Variants in SUGP2 observed in about 807,000 individuals in gnomAD.
The protein encoded by SUGP2 is SURP and G-patch domain containing 2.
A neutral mutation model predicts 90.5 loss-of-function variants in SUGP2; 24 were observed. The ratio of observed to expected loss-of-function variants is 0.27; its 90% confidence interval spans 0.19 to 0.37. The LOEUF is 0.37. SUGP2 is among the 10% of genes least tolerant of loss of function. The pLI, the probability that SUGP2 is intolerant of heterozygous loss-of-function variation, is 1.00. For synonymous variants in SUGP2, 473 were observed against 513.4 expected (o/e 0.92, Z 1.06); for missense variants, 1,233 against 1,363.3 (o/e 0.90, Z 1.51).
chr19:19,000,892 G>C (rs2057803236), intron 8 of SUGP2, among the ~76,000 whole-genome samples: 1 of 150,084 alleles, frequency 6.7e-6, no homozygotes, highest in African/African-American at 2.5e-5. Context: ...TTTTTGCAGA[G>C]ACAGGGTTTT....
At chr19:18,998,473 A>G (rs928932878) in intron 8 of SUGP2, among the ~76,000 whole-genome samples, 3 of 152,022 alleles carry the variant, frequency 2.0e-5, no homozygotes, top group Non-Finnish European at 2.9e-5. Context: ...TAATCTTCTT[A>G]TTGTCAGTTC....
rs532775340 is a variant in SUGP2, at chr19:19,018,413, C to T, written c.1850+696G>A. The stretch of plus-strand genomic sequence containing the variant: ...AATTTTAATAAGTTGTTCGGCCGGG[C>T]GCGGTGGCTCACGCCTGTAATCCCA... On this transcript the variant is annotated intron_variant, in intron 4 of 10. Coordinates refer to ENST00000452918, the MANE Select transcript of SUGP2 (RefSeq NM_001017392.5). Among the ~76,000 whole-genome samples, 51 of 151,920 alleles carry T rather than the reference C, an allele frequency of 3.4e-4. 1 individual carries two copies. The highest frequency in any genetic ancestry group is 1.0e-3 in the African/African-American group (42 of 41,416).
At position 19,025,772 on chromosome 19, in the gene SUGP2, G is replaced by A. The variant is rs575200616; in HGVS notation, c.576C>T (p.Asp192=). Residue 192 remains aspartate (D), a synonymous_variant, in exon 3 of 11, where the codon GAC becomes GAT. Coordinates refer to ENST00000452918, the MANE Select transcript of SUGP2 (RefSeq NM_001017392.5). ...ECLEKESRDY[D]VDHPGEADSV... is the part of the protein sequence containing the mutation. ...AGTCAGCCTCCCCAGGATGGTCCAC[G>A]TCATAATCCCGACTCTCCTTCTCCA... 92 of 1,613,888 alleles carry A rather than the reference G, an allele frequency of 5.7e-5. 1 individual carries two copies. The Middle Eastern group carries it at 2.0e-3, about 35-fold the overall frequency.
chr19:19,019,930 T>C (rs1179789015), intron 3 of SUGP2, among the ~76,000 whole-genome samples: 1 of 126,410 alleles, frequency 7.9e-6, no homozygotes, highest in Non-Finnish European at 1.6e-5. Flanking sequence ...GTGGATTGCC[T>C]GAGCTCAGGA....
At chr19:19,028,960 T>C (rs1463005021) in intron 2 of SUGP2, among the ~76,000 whole-genome samples, 1 of 152,146 alleles carries the variant, frequency 6.6e-6, no homozygotes, top group Non-Finnish European at 1.5e-5. Context: ...GTGCTGAGAT[T>C]ACATGTGTAA....
intron 3 of SUGP2, among the ~76,000 whole-genome samples, chr19:19,023,566 T>G (rs1166128497): frequency 6.6e-6 from 1 of 152,096 alleles, no homozygotes; most frequent in Non-Finnish European, 1.5e-5. Context: ...CTCTGTGTCT[T>G]TTCTCCCTTC....
At chr19:19,009,280 G>C (rs113123594) in intron 5 of SUGP2, among the ~76,000 whole-genome samples, 2 of 152,186 alleles carry the variant, frequency 1.3e-5, no homozygotes, top group African/African-American at 4.8e-5. Context: ...TAATGCAGCA[G>C]TTGTGGACAC....
In SUGP2 at chr19:19,012,018, A is replaced by C. The variant is rs376108866; in HGVS notation, c.1851-1676T>G. Among the ~76,000 whole-genome samples, 40 of 152,332 alleles carry C rather than the reference A, an allele frequency of 2.6e-4. No homozygotes were observed. In the South Asian group the frequency reaches 8.3e-3, roughly 32 times the overall value. On this transcript the variant is annotated intron_variant, in intron 4 of 10. Transcript: ENST00000452918. Reference sequence around the variant, plus strand: ...TAGATGAGGTTCCAGATTACCAGTGACAAGCCAACTAGAAGTAAGGTGGCT... The same window carrying C: ...TAGATGAGGTTCCAGATTACCAGTGCCAAGCCAACTAGAAGTAAGGTGGCT...
At chr19:19,012,988 C>G (rs1020660615) in intron 4 of SUGP2, among the ~76,000 whole-genome samples, 1 of 152,208 alleles carries the variant, frequency 6.6e-6, no homozygotes, top group Middle Eastern at 3.4e-3. Context: ...CTCATCCTCC[C>G]GAGTAGCTGG....
chr19:19,004,130 T>C (rs2057960839), intron 7 of SUGP2, 38 bp downstream of exon 7: 1 of 1,468,998 alleles, frequency 6.8e-7, no homozygotes, highest in African/African-American at 1.4e-5. Flanking sequence ...AACCAAGAAC[T>C]GTGCTAGAGG....
At chr19:19,031,318 A>G (rs1355713949) in intron 1 of SUGP2, among the ~76,000 whole-genome samples, 3 of 152,046 alleles carry the variant, frequency 2.0e-5, no homozygotes, top group African/African-American at 4.8e-5. Context: ...CGGATCATTT[A>G]AAGTCAGGAG....
rs1193483935 is a variant in SUGP2, at chr19:19,025,423, G to A, written c.925C>T (p.Leu309Phe). The A allele has an allele frequency of 6.2e-7, 1 of 1,613,988 alleles. No individual in the cohort carries two copies. Among genetic ancestry groups the A allele is most frequent in the African/African-American group, 1.3e-5 (1 of 74,882 alleles). The change falls in exon 3 of 11, where the codon CTC becomes TTC. Residue 309 changes from leucine (L) to phenylalanine (F), a missense_variant. Coordinates refer to ENST00000452918, the MANE Select transcript of SUGP2 (RefSeq NM_001017392.5). Reference sequence around the variant, plus strand: ...TCAAAGCTCATCTTTCTTCTGGGGAGCCGAAGATTCTTCAGATCCAGCCCC... The same window carrying A: ...TCAAAGCTCATCTTTCTTCTGGGGAACCGAAGATTCTTCAGATCCAGCCCC... ...PLGLDLKNLR[L>F]PRRKMSFDII...
chr19:18,991,736 A>G lies in SUGP2; in HGVS notation c.*2005T>C, dbSNP rs541637816. 1 of 152,310 alleles carries G rather than the reference A, an allele frequency of 6.6e-6. No individual in the cohort carries two copies. Among genetic ancestry groups the G allele is most frequent in the South Asian group, 2.1e-4 (1 of 4,828 alleles). The allele number at this position is 152,310 out of a possible 1,614,324, so 9.4% of individuals were successfully genotyped here. On this transcript the variant is annotated 3_prime_UTR_variant, in exon 11 of 11. Coordinates refer to ENST00000452918, the MANE Select transcript of SUGP2 (RefSeq NM_001017392.5). Reference sequence around the variant, plus strand: ...TCCATTCACCTGACCCATGGCCAACATGGAAGCTGTCGGAGGGGTCAGGAA... The same window carrying G: ...TCCATTCACCTGACCCATGGCCAACGTGGAAGCTGTCGGAGGGGTCAGGAA...
chr19:19,027,342 C>A (rs566745399), intron 2 of SUGP2, among the ~76,000 whole-genome samples: 4 of 152,050 alleles, frequency 2.6e-5, no homozygotes, highest in Non-Finnish European at 4.4e-5. Context: ...CAGGAGGTAG[C>A]AATAGGTTAA....
intron 1 of SUGP2, 168 bp downstream of exon 1, chr19:19,033,269 A>T (rs2145813630): frequency 4.2e-6 from 3 of 708,114 alleles, no homozygotes; most frequent in Non-Finnish European, 5.4e-6. Flanking sequence ...CGGGCCCGGG[A>T]GGCCGCAGCC....
At chr19:19,013,263 T>C (rs1223295145) in intron 4 of SUGP2, among the ~76,000 whole-genome samples, 1 of 152,244 alleles carries the variant, frequency 6.6e-6, no homozygotes, top group African/African-American at 2.4e-5. Context: ...CGTGATGACT[T>C]TCCCTTTTAT....
intron 4 of SUGP2, 77 bp from the exon 5 acceptor site, chr19:19,010,419 C>T: frequency 6.5e-7 from 1 of 1,547,126 alleles, no homozygotes; most frequent in Non-Finnish European, 8.7e-7. Flanking sequence ...AAACACAAAC[C>T]CTTTCTAAGT....
At chr19:19,023,576 C>T (rs529853284) in intron 3 of SUGP2, among the ~76,000 whole-genome samples, 1 of 152,238 alleles carries the variant, frequency 6.6e-6, no homozygotes, top group South Asian at 2.1e-4. Context: ...TTTCTCCCTT[C>T]TAGTAATACC....
chr19:19,022,521 T>C (rs773999848), intron 3 of SUGP2, among the ~76,000 whole-genome samples: 16 of 152,216 alleles, frequency 1.1e-4, no homozygotes, highest in African/African-American at 3.9e-4. Flanking sequence ...GCAAAGGCTG[T>C]GGAAACAAAG....
Sources: gnomAD v4.1 joint callset for allele counts (sites outside exome capture counted in the v4.1 genomes callset) on GRCh38, gnomAD v4.1.1 for gene constraint, MANE v1.5 for transcripts, NCBI Gene and HGNC (gene_info 2026-07-23, HGNC 2026-07-21) for gene names.